Variants in PAPLN observed in about 807,000 individuals in gnomAD.
PAPLN encodes papilin.
In PAPLN, 146 loss-of-function variants were observed where a neutral mutation model predicts 159.0. The observed-to-expected ratio is 0.92, with a 90% CI of 0.80 to 1.05. The LOEUF (loss-of-function observed/expected upper bound fraction) is 1.05. Ranked by LOEUF, PAPLN falls within the 50% of genes least tolerant of loss-of-function variation. The pLI is 0.00. For synonymous variants in PAPLN, 734 were observed against 702.9 expected (o/e 1.04, Z -0.70); for missense variants, 1,720 against 1,743.9 (o/e 0.99, Z 0.24).
At chr14:73,272,448 TAC>T (rs758160611) in intron 26 of PAPLN, 45 bp from the exon 27 acceptor site, 1 of 1,436,962 alleles carries the variant, frequency 7.0e-7, no homozygotes, top group Non-Finnish European at 9.3e-7. Flanking sequence ...ATTTTCAGCA[TAC>T]ACAGAGCTTC....
intron 26 of PAPLN, among the ~76,000 whole-genome samples, chr14:73,269,109 C>G (rs1222846101): frequency 6.6e-6 from 1 of 152,202 alleles, no homozygotes; most frequent in African/African-American, 2.4e-5. Context: ...CTAATCCACT[C>G]TAAACCACTA....
In PAPLN at chr14:73,246,113, GCGCGGAGTTCGA is replaced by G. The variant is rs760672730; in HGVS notation, c.275_286del (p.Ala92_Asp95del). On this transcript the variant is annotated inframe_deletion, in exon 5 of 27. Coordinates refer to ENST00000644200, the MANE Select transcript of PAPLN (RefSeq NM_001365906.3). ...GCCCGGGACTTCCGGGCCGAGCAGT[GCGCGGAGTTCGA>G]CGGAGCGGAGTTCCAGGGGCGGCGG... The G allele has an allele frequency of 6.3e-7, 1 of 1,590,148 alleles. No homozygotes were observed. Among genetic ancestry groups the G allele is most frequent in the Non-Finnish European group, 8.5e-7 (1 of 1,170,540 alleles).
At chr14:73,262,263 GC>G in intron 18 of PAPLN, 86 bp from the exon 19 acceptor site, 3 of 1,325,526 alleles carry the variant, frequency 2.3e-6, no homozygotes, top group Non-Finnish European at 3.1e-6. Flanking sequence ...GGAAGGGCCT[GC>G]TTCCTGAGTC....
Position 73,246,112 on chromosome 14 carries a change from T to G in PAPLN, c.271T>G (p.Cys91Gly). 3 of 1,588,908 alleles carry G rather than the reference T, an allele frequency of 1.9e-6. No individual in the cohort carries two copies. The highest frequency in any genetic ancestry group is 2.6e-6 in the Non-Finnish European group (3 of 1,170,030). Residue 91 changes from cysteine to glycine, a missense_variant, in exon 5 of 27, where the codon TGC becomes GGC. Physicochemically the swap from Cys to Gly is radical, Grantham distance 159. Coordinates refer to ENST00000644200, the MANE Select transcript of PAPLN (RefSeq NM_001365906.3). ...DGARDFRAEQCAEFDGAEFQG... is the reference protein window; with the variant it reads ...DGARDFRAEQGAEFDGAEFQG... ...CGCCCGGGACTTCCGGGCCGAGCAGTGCGCGGAGTTCGACGGAGCGGAGTT... is the reference window on the plus strand; with the variant it reads ...CGCCCGGGACTTCCGGGCCGAGCAGGGCGCGGAGTTCGACGGAGCGGAGTT...
rs542764579 is a variant in PAPLN at position 73,270,782 on chromosome 14, G to A, written c.3668-1713G>A. On this transcript the variant is annotated intron_variant, in intron 26 of 26. Transcript: ENST00000644200. ...ATGGCCTGAGATGTGTGTCCCAGAT[G>A]GGACAGACATGGCCTCAGTCTGGCC... 3.3e-5 allele frequency among the ~76,000 whole-genome samples: 5 copies of A among 152,274 alleles called. No individual in the cohort carries two copies. The East Asian group carries it at 5.8e-4, about 18-fold the overall frequency.
chr14:73,259,515 GC>G lies in PAPLN; in HGVS notation c.1956del (p.Cys653AlafsTer149). On this transcript the variant is annotated frameshift_variant, in exon 16 of 27. Coordinates refer to ENST00000644200, the MANE Select transcript of PAPLN (RefSeq NM_001365906.3). LOFTEE classifies it high-confidence loss of function. ...HTASLGPQWQ[G>X]CPGAPCQQSR... ...GCATCTCTCGGGCCTCAGTGGCAAG[GC>G]TGCCCTGGGGCCCCCTGTCAGCAGA... is the stretch of plus-strand genomic sequence containing the variant. The G allele has an allele frequency of 1.3e-6, 2 of 1,593,058 alleles. No homozygotes were observed. Among genetic ancestry groups the G allele is most frequent in the Non-Finnish European group, 1.7e-6 (2 of 1,169,344 alleles).
chr14:73,253,927 G>A lies in PAPLN; in HGVS notation c.1268G>A (p.Arg423His), dbSNP rs192983302. ...PPAIQACNLQRCAAWSPEPWG... is the reference protein window; with the variant it reads ...PPAIQACNLQHCAAWSPEPWG... ...GCCATTCAGGCCTGTAACCTGCAGCGCTGTGCAGCCTGGAGCCCGGAGCCC... is the reference window on the plus strand; with the variant it reads ...GCCATTCAGGCCTGTAACCTGCAGCACTGTGCAGCCTGGAGCCCGGAGCCC... The change falls in exon 12 of 27, where the codon CGC (arginine) becomes CAC (histidine). Residue 423 changes from arginine (R) to histidine (H), a missense_variant. Arg to His is a conservative substitution (Grantham distance 29). Transcript: ENST00000644200. The A allele has an allele frequency of 2.7e-5, 43 of 1,612,870 alleles. No individual in the cohort carries two copies. The highest frequency in any genetic ancestry group is 3.1e-5 in the Non-Finnish European group (37 of 1,179,866).
At chr14:73,266,433 G>A (rs964597471) in intron 23 of PAPLN, 68 bp from the exon 24 acceptor site, 7 of 1,576,234 alleles carry the variant, frequency 4.4e-6, no homozygotes, top group East Asian at 4.5e-5. Context: ...CCCCATGCTC[G>A]AGGGACGGAG....
chr14:73,256,973 A>G (rs76501718), intron 14 of PAPLN, among the ~76,000 whole-genome samples: 3,782 of 152,226 alleles, frequency 0.025, 150 homozygotes, highest in African/African-American at 0.085. Context: ...ATGGAATATT[A>G]ATTTACTTTA....
intron 14 of PAPLN, among the ~76,000 whole-genome samples, chr14:73,257,764 T>A (rs1402541106): frequency 3.0e-5 from 4 of 133,988 alleles, no homozygotes; most frequent in Non-Finnish European, 6.4e-5. Context: ...TTTTTTTTTT[T>A]TTTTTTTTTT....
At chr14:73,252,440 C>T (rs1024344356) in intron 10 of PAPLN, among the ~76,000 whole-genome samples, 2 of 152,138 alleles carry the variant, frequency 1.3e-5, no homozygotes, top group Non-Finnish European at 2.9e-5. Context: ...TGATCAGGTG[C>T]CAGAGTAGGG....
At chr14:73,258,930 C>CCT (rs748140824) in intron 14 of PAPLN, 49 bp from the exon 15 acceptor site, 1 of 1,532,402 alleles carries the variant, frequency 6.5e-7, no homozygotes, top group South Asian at 1.2e-5. Flanking sequence ...TCAGGTCCAT[C>CCT]CTCTCTTCCT....
rs146072655 is a variant in PAPLN, at chr14:73,239,021, C to G, written c.-6-752C>G. On this transcript the variant is annotated intron_variant, in intron 1 of 26. Coordinates refer to ENST00000644200, the MANE Select transcript of PAPLN (RefSeq NM_001365906.3). Reference sequence around the variant, plus strand: ...CGTGTATACCGACTGGACACCTGCACCAAATAGTACACACCAGACTGCACA... The same window carrying G: ...CGTGTATACCGACTGGACACCTGCAGCAAATAGTACACACCAGACTGCACA... 1.1e-4 allele frequency among the ~76,000 whole-genome samples: 17 copies of G among 152,320 alleles called. No individual in the cohort carries two copies. The East Asian group carries it at 3.1e-3, about 28-fold the overall frequency.
In PAPLN at chr14:73,251,509, C is replaced by T. The variant is rs775774892; in HGVS notation, c.613C>T (p.Pro205Ser). 5.0e-6 allele frequency: 8 copies of T among 1,609,746 alleles called. No individual in the cohort carries two copies. Among genetic ancestry groups the T allele is most frequent in the South Asian group, 2.2e-5 (2 of 91,066 alleles). The change falls in exon 8 of 27, where the codon CCC (proline) becomes TCC (serine). Residue 205 changes from proline (P) to serine (S), a missense_variant. Pro to Ser is a moderately conservative substitution (Grantham distance 74, BLOSUM62 -1). Coordinates refer to ENST00000644200, the MANE Select transcript of PAPLN (RefSeq NM_001365906.3). ...AGGCTACAACCAGATCCTCATAGTT[C>T]CCATGGGTGCCACCAGCATCCTCAT... ...SRGYNQILIVPMGATSILIDE... is the reference protein window; with the variant it reads ...SRGYNQILIVSMGATSILIDE...
intron 11 of PAPLN, 52 bp from the exon 12 acceptor site, chr14:73,253,702 G>C: frequency 6.6e-7 from 1 of 1,510,204 alleles, no homozygotes; most frequent in Non-Finnish European, 8.9e-7. Context: ...CTCAGGGCTG[G>C]GTTTCTGCCC....
At chr14:73,256,532 C>CAA (rs57667060) in intron 14 of PAPLN, among the ~76,000 whole-genome samples, 13,835 of 92,384 alleles carry the variant, frequency 0.15, 1,392 homozygotes, top group East Asian at 0.49. Flanking sequence ...GACTCTGTCT[C>CAA]AAAAAAAAAA....
In PAPLN at chr14:73,250,039, G is replaced by A. The variant is rs747756411; in HGVS notation, c.390G>A (p.Lys130=). ...CCAAGGGGGAGAACTTCTACTACAA[G>A]CACAGGGAGGCTGTGGTTGATGGGA... ...CIPKGENFYY[K]HREAVVDGTP... The change falls in exon 6 of 27, where the codon AAG becomes AAA. Residue 130 remains lysine (K), a synonymous_variant. Transcript: ENST00000644200. The A allele has an allele frequency of 7.4e-6, 12 of 1,613,250 alleles. No individual in the cohort carries two copies. The Admixed American group carries it at 1.0e-4, about 13-fold the overall frequency.
intron 7 of PAPLN, 51 bp from the exon 8 acceptor site, chr14:73,251,435 G>C (rs1885238903): frequency 1.3e-6 from 2 of 1,553,918 alleles, no homozygotes; most frequent in Non-Finnish European, 1.7e-6. Context: ...TTTGAGTGGT[G>C]CCGGGAGAGG....
At position 73,245,817 on chromosome 14, in the gene PAPLN, C is replaced by T. The variant is rs1469235060; in HGVS notation, c.231+121C>T. 2 of 1,293,758 alleles carry T rather than the reference C, an allele frequency of 1.5e-6. No individual in the cohort carries two copies. The highest frequency in any genetic ancestry group is 2.5e-5 in the East Asian group (1 of 39,520). 80.1% of individuals were successfully genotyped at this position (1,293,758 alleles called of 1,614,324 possible). ...GGGTTGGCCCAGCCTGGGGTCCTCC[C>T]GCCAATCCACAGCAGGGCTGCGTGG... is the stretch of plus-strand genomic sequence containing the variant. On this transcript the variant is annotated intron_variant, in intron 4 of 26. Transcript: ENST00000644200. The surrounding 1 kb of genome is among the most constrained non-coding windows in gnomAD (Gnocchi z 4.2).
Sources: allele counts gnomAD v4.1 joint callset (sites outside exome capture counted in the v4.1 genomes callset), GRCh38; gene constraint gnomAD v4.1.1; non-coding constraint Gnocchi (gnomAD v3.1); transcripts MANE v1.5; gene names NCBI Gene and HGNC (gene_info 2026-07-23, HGNC 2026-07-21).